MTCH1: variants seen among roughly 807,000 people sequenced by gnomAD.
The protein encoded by MTCH1 is mitochondrial carrier homolog 1.
MTCH1 carries 23 observed loss-of-function variants against 49.3 expected under a neutral mutation model. The observed-to-expected ratio is 0.47, with a 90% confidence interval of 0.34 to 0.66. MTCH1 has a LOEUF of 0.66. Ranked by LOEUF, MTCH1 falls within the 30% of genes least tolerant of loss-of-function variation. The pLI is 0.01. For synonymous variants in MTCH1, 229 were observed against 215.2 expected, an observed-to-expected ratio of 1.06 and a Z score of -0.56; for missense variants, 397 against 532.1, an observed-to-expected ratio of 0.75 and a Z score of 2.50.
Position 36,970,268 on chromosome 6 carries a change from C to T in MTCH1, c.1022+138G>A, listed in dbSNP as rs531578467. ...CCCAGGGGGTGCTGGGAAATCCCAG[C>T]GGAAGCCAGGGTGCCTGGCAGGCCA... On this transcript the variant is annotated intron_variant, in intron 10 of 11. Transcript: ENST00000373627. 157 of 1,441,322 alleles carry T rather than the reference C, an allele frequency of 1.1e-4. 2 individuals are homozygous for T. In the Admixed American group the frequency reaches 2.3e-3, roughly 21 times the overall value. The allele number at this position is 1,441,322 out of a possible 1,614,324, so 89.3% of individuals were successfully genotyped here.
At chr6:36,985,390 C>T (rs1764261508) in intron 1 of MTCH1, among the ~76,000 whole-genome samples, 1 of 151,610 alleles carries the variant, frequency 6.6e-6, no homozygotes, top group Admixed American at 6.6e-5. Context: ...ATGTGCTCCT[C>T]ATTCTCTAAA....
chr6:36,985,912 G>C lies in MTCH1; in HGVS notation c.262C>G (p.Leu88Val). The change falls in exon 1 of 12, where the codon CTG (leucine) becomes GTG (valine). Residue 88 changes from leucine to valine, a missense_variant. Leu to Val is a conservative substitution (Grantham distance 32). This residue lies in a region of MTCH1 where 145 missense variants were observed against 143.8 expected (regional missense o/e 1.01). Coordinates refer to ENST00000373627, the MANE Select transcript of MTCH1 (RefSeq NM_001271641.2). ...APTTEALFVA[L>V]GAGVTALSHP... Reference sequence around the variant, plus strand: ...CTGAGCGCCGTCACGCCCGCGCCCAGTGCCACGAAAAGAGCCTCAGTGGTC... The same window carrying C: ...CTGAGCGCCGTCACGCCCGCGCCCACTGCCACGAAAAGAGCCTCAGTGGTC... The C allele has an allele frequency of 6.4e-7, 1 of 1,556,866 alleles. No homozygotes were observed. The highest frequency in any genetic ancestry group is 2.4e-5 in the East Asian group (1 of 41,834).
rs1410064404 is a variant in MTCH1, at chr6:36,977,182, T to A, written c.701+17A>T. 1 of 1,613,428 alleles carries A rather than the reference T, an allele frequency of 6.2e-7. No homozygotes were observed. The highest frequency in any genetic ancestry group is 1.7e-5 in the Admixed American group (1 of 59,990). On this transcript the variant is annotated intron_variant, in intron 6 of 11. Coordinates refer to ENST00000373627, the MANE Select transcript of MTCH1 (RefSeq NM_001271641.2). This position sits in a 1 kb window ranked among gnomAD's most constrained non-coding sequence, Gnocchi z 5.4. The stretch of plus-strand genomic sequence containing the variant: ...AAGGGTAACAGGGCCACTCTGCCAG[T>A]CCCAAGAGTTACCCACCTGTACTTG...
At chr6:36,978,013 T>C (rs1763348308) in intron 4 of MTCH1, 65 bp downstream of exon 4, 6 of 1,421,710 alleles carry the variant, frequency 4.2e-6, no homozygotes, top group Non-Finnish European at 6.0e-6. Context: ...CCCGCCCAAC[T>C]TGGGGGTGAG....
At position 36,977,741 on chromosome 6, in the gene MTCH1, A is replaced by AG; in HGVS notation, c.592-51_592-50insC. 6.6e-7 allele frequency: 1 copy of AG among 1,519,620 alleles called. No homozygotes were observed. Among genetic ancestry groups the AG allele is most frequent in the Non-Finnish European group, 9.0e-7 (1 of 1,111,042 alleles). 94.1% of individuals were successfully genotyped at this position (1,519,620 alleles called of 1,614,324 possible). A position where few individuals can be genotyped will look rare whatever the true frequency, so the allele number is the denominator to read the frequency against. On this transcript the variant is annotated intron_variant, in intron 4 of 11. Coordinates refer to ENST00000373627, the MANE Select transcript of MTCH1 (RefSeq NM_001271641.2). The surrounding 1 kb of genome is among the most constrained non-coding windows in gnomAD (Gnocchi z 5.4). ...CTCGCCACCCTCGGCCTGTCTCTGGAACTGGCCCTCGAGGGGAGCTACAAG... is the reference window on the plus strand; with the variant it reads ...CTCGCCACCCTCGGCCTGTCTCTGGAGACTGGCCCTCGAGGGGAGCTACAAG...
upstream of MTCH1, among the ~76,000 whole-genome samples, chr6:36,986,466 G>T (rs2150756623): frequency 6.6e-6 from 1 of 152,136 alleles, no homozygotes; most frequent in East Asian, 1.9e-4. Context: ...GCGGGGGCGG[G>T]GTTCGGCGCC....
upstream of MTCH1, chr6:36,986,235 AG>A (rs1561914394): frequency 1.3e-5 from 18 of 1,358,256 alleles, no homozygotes; most frequent in South Asian, 8.0e-5. Context: ...CACCGGCGTC[AG>A]GGGGCGGGGC....
chr6:36,980,497 G>A (rs1484906284), intron 2 of MTCH1, among the ~76,000 whole-genome samples: 1 of 152,208 alleles, frequency 6.6e-6, no homozygotes. Context: ...CAATTTTTAA[G>A]TAAAAAACAA....
In MTCH1 at chr6:36,982,624, G is replaced by A. The variant is rs1173751244; in HGVS notation, c.322-952C>T. ...GGCTGGTCTCGAACTCCCGACCTCA[G>A]GTGATCCACCCGCCTCGGCCTCCCA... On this transcript the variant is annotated intron_variant, in intron 1 of 11. Coordinates refer to ENST00000373627, the MANE Select transcript of MTCH1 (RefSeq NM_001271641.2). This position sits in a 1 kb window ranked among gnomAD's most constrained non-coding sequence, Gnocchi z 4.1. Among the ~76,000 whole-genome samples, 1 of 152,186 alleles carries A rather than the reference G, an allele frequency of 6.6e-6. No homozygotes were observed. The highest frequency in any genetic ancestry group is 2.4e-5 in the African/African-American group (1 of 41,440).
At chr6:36,973,377 G>A (rs757549226) in intron 7 of MTCH1, among the ~76,000 whole-genome samples, 24 of 152,112 alleles carry the variant, frequency 1.6e-4, no homozygotes, top group Admixed American at 3.9e-4. Flanking sequence ...TGTGCCTCTT[G>A]TGTTTTTTAC....
intron 2 of MTCH1, 78 bp downstream of exon 2, chr6:36,981,510 G>A (rs966663066): frequency 7.5e-5 from 105 of 1,391,166 alleles, no homozygotes; most frequent in African/African-American, 2.2e-4. Flanking sequence ...TGAGTTCCCC[G>A]GGGCCAGCTG....
chr6:36,976,464 G>A (rs911205544), intron 6 of MTCH1: 1 of 465,374 alleles, frequency 2.1e-6, no homozygotes, highest in Admixed American at 2.4e-5. Context: ...AACAGTGGTG[G>A]CCAGATTATA....
At chr6:36,980,999 T>G (rs1365996332) in intron 2 of MTCH1, among the ~76,000 whole-genome samples, 5 of 152,048 alleles carry the variant, frequency 3.3e-5, no homozygotes, top group Non-Finnish European at 1.5e-5. Flanking sequence ...AGACAAGGGG[T>G]GCAGCCAGGC....
In MTCH1 at chr6:36,968,826, G is replaced by T; in HGVS notation, c.*77C>A. 2 of 1,602,132 alleles carry T rather than the reference G, an allele frequency of 1.2e-6. No homozygotes were observed. Among genetic ancestry groups the T allele is most frequent in the Non-Finnish European group, 1.7e-6 (2 of 1,170,878 alleles). ...ATCTGGTTGTTGTTGGGTTGGAGTC[G>T]TCTTGCAGGTGTCCCAAGGTGGTCA... On this transcript the variant is annotated 3_prime_UTR_variant, in exon 12 of 12. Transcript: ENST00000373627.
chr6:36,983,635 C>T (rs1305498816), intron 1 of MTCH1, among the ~76,000 whole-genome samples: 3 of 152,140 alleles, frequency 2.0e-5, no homozygotes, highest in Non-Finnish European at 4.4e-5. Flanking sequence ...GTCCTAACTA[C>T]GGCAAATGCT....
chr6:36,974,139 T>C (rs1238713507), intron 7 of MTCH1, among the ~76,000 whole-genome samples: 1 of 152,120 alleles, frequency 6.6e-6, no homozygotes, highest in Non-Finnish European at 1.5e-5. Context: ...TACATATATG[T>C]GTGTGTGTGA....
chr6:36,986,154 T>C lies in MTCH1; in HGVS notation c.20A>G (p.Glu7Gly). MGASDP[E>G]VAPWARGGAA... The stretch of plus-strand genomic sequence containing the variant: ...ACCGCCGCGAGCCCAGGGCGCCACT[T>C]CCGGGTCCGAAGCTCCCATGGCGCC... Residue 7 changes from glutamate to glycine, a missense_variant, in exon 1 of 12, where the codon GAA becomes GGA. Physicochemically the swap from Glu to Gly is moderately conservative, Grantham distance 98. Around this residue, in one of 2 missense-constraint regions of MTCH1, gnomAD observed 145 missense variants for 143.8 expected, o/e 1.01. Transcript: ENST00000373627. The C allele has an allele frequency of 1.4e-6, 2 of 1,436,228 alleles. No individual in the cohort carries two copies. The highest frequency in any genetic ancestry group is 1.4e-5 in the South Asian group (1 of 73,454). 89.0% of individuals were successfully genotyped at this position (1,436,228 alleles called of 1,614,324 possible).
chr6:36,970,320 G>A, intron 10 of MTCH1, 86 bp downstream of exon 10: 1 of 1,547,686 alleles, frequency 6.5e-7, no homozygotes, highest in Non-Finnish European at 8.9e-7. Context: ...AGGTGGGAGG[G>A]GGCAGAGTGC....
At position 36,985,913 on chromosome 6, in the gene MTCH1, T is replaced by A. The variant is rs1320400951; in HGVS notation, c.261A>T (p.Ala87=). ...TGAGCGCCGTCACGCCCGCGCCCAG[T>A]GCCACGAAAAGAGCCTCAGTGGTCG... is the stretch of plus-strand genomic sequence containing the variant. ...NAPTTEALFV[A]LGAGVTALSH... is the part of the protein sequence containing the mutation. The change falls in exon 1 of 12, where the codon GCA becomes GCT. Residue 87 remains alanine (A), a synonymous_variant. Coordinates refer to ENST00000373627, the MANE Select transcript of MTCH1 (RefSeq NM_001271641.2). 6.4e-7 allele frequency: 1 copy of A among 1,556,672 alleles called. No homozygotes were observed. Among genetic ancestry groups the A allele is most frequent in the South Asian group, 1.2e-5 (1 of 84,470 alleles).
Sources: allele counts gnomAD v4.1 joint callset (sites outside exome capture counted in the v4.1 genomes callset), GRCh38; gene constraint gnomAD v4.1.1; regional missense constraint gnomAD v4.1.1; non-coding constraint Gnocchi (gnomAD v3.1); transcripts MANE v1.5; gene names NCBI Gene and HGNC (gene_info 2026-07-23, HGNC 2026-07-21).